RGS6: variants seen among roughly 807,000 people sequenced by gnomAD.
The protein encoded by RGS6 is regulator of G-protein signaling 6.
Under a neutral mutation model 78.5 loss-of-function variants are expected in RGS6, and 30 were observed. The ratio of observed to expected loss-of-function variants is 0.38; its 90% CI spans 0.29 to 0.52. RGS6 has a LOEUF of 0.52. RGS6 is among the 20% of genes least tolerant of loss of function. The pLI is 0.85. For synonymous variants in RGS6, 206 were observed against 206.0 expected (o/e 1.00, Z 0.00); for missense variants, 495 against 609.7 (o/e 0.81, Z 1.98).
chr14:72,345,225 G>A (rs554536373), intron 2 of RGS6, among the ~76,000 whole-genome samples: 10 of 152,266 alleles, frequency 6.6e-5, no homozygotes, highest in Admixed American at 2.6e-4. Flanking sequence ...CAACCACAAG[G>A]GAAAGACCAA....
intron 17 of RGS6, among the ~76,000 whole-genome samples, chr14:72,545,909 C>CTG (rs3831612): frequency 0.028 from 4,297 of 151,754 alleles, 211 homozygotes; most frequent in African/African-American, 0.095. Flanking sequence ...GGATGCCCAG[C>CTG]TGTGTGTGTG....
At chr14:72,313,820 G>A (rs2069296452) in intron 2 of RGS6, among the ~76,000 whole-genome samples, 1 of 152,176 alleles carries the variant, frequency 6.6e-6, no homozygotes, top group African/African-American at 2.4e-5. Context: ...GAAGGTATTA[G>A]AAGATAAAAG....
At chr14:72,091,119 G>A (rs796257713) in intron 2 of RGS6, among the ~76,000 whole-genome samples, 65 of 95,484 alleles carry the variant, frequency 6.8e-4, no homozygotes, top group African/African-American at 2.3e-3. Flanking sequence ...CTCCAGGGAG[G>A]GGACTTCACA....
intron 2 of RGS6, among the ~76,000 whole-genome samples, chr14:71,980,475 A>C (rs1036064172): frequency 7.3e-6 from 1 of 136,808 alleles, no homozygotes; most frequent in African/African-American, 2.7e-5. Flanking sequence ...AAAATCTCTC[A>C]GCATTTGCTT....
At chr14:72,002,532 G>A (rs933911596) in intron 2 of RGS6, among the ~76,000 whole-genome samples, 8 of 151,978 alleles carry the variant, frequency 5.3e-5, no homozygotes, top group African/African-American at 1.7e-4. Flanking sequence ...CTTATCTGAG[G>A]TTTGGCCTTT....
chr14:72,462,145 A>G (rs1222913111), intron 6 of RGS6, among the ~76,000 whole-genome samples: 1 of 152,104 alleles, frequency 6.6e-6, no homozygotes, highest in African/African-American at 2.4e-5. Flanking sequence ...ACTGGTCCCT[A>G]CTCTGTCAAA....
chr14:72,344,677 G>A (rs2077659934), intron 2 of RGS6, among the ~76,000 whole-genome samples: 1 of 152,196 alleles, frequency 6.6e-6, no homozygotes, highest in Non-Finnish European at 1.5e-5. Context: ...ATTCAGTGGT[G>A]AGCAAACCAC....
intron 2 of RGS6, among the ~76,000 whole-genome samples, chr14:72,110,288 C>T (rs1458852974): frequency 6.6e-6 from 1 of 152,120 alleles, no homozygotes; most frequent in African/African-American, 2.4e-5. Context: ...CCAAAATTAC[C>T]CTGCTAATAG....
intron 2 of RGS6, among the ~76,000 whole-genome samples, chr14:72,212,640 T>G (rs2044458880): frequency 6.6e-6 from 1 of 152,252 alleles, no homozygotes; most frequent in Non-Finnish European, 1.5e-5. Flanking sequence ...AATCAATGTT[T>G]GTTTCCCAGT....
intron 3 of RGS6, among the ~76,000 whole-genome samples, chr14:72,395,378 T>C (rs10144317): frequency 0.035 from 5,308 of 152,176 alleles, 325 homozygotes; most frequent in African/African-American, 0.12. Flanking sequence ...GCTGGCTAGA[T>C]AGACACACTA....
At chr14:72,238,830 T>G (rs1314777290) in intron 2 of RGS6, among the ~76,000 whole-genome samples, 1 of 152,106 alleles carries the variant, frequency 6.6e-6, no homozygotes, top group East Asian at 1.9e-4. Context: ...AACAAGGAGA[T>G]TCATATACCA....
At chr14:72,287,678 A>C (rs2062832992) in intron 2 of RGS6, among the ~76,000 whole-genome samples, 1 of 152,102 alleles carries the variant, frequency 6.6e-6, no homozygotes. Flanking sequence ...GGCTGGTCTC[A>C]AACTCCCGAC....
chr14:71,906,844 A>G, the RGS6 span, among the ~76,000 whole-genome samples: 16 of 151,770 alleles, frequency 1.1e-4, no homozygotes, highest in Admixed American at 2.0e-4. Flanking sequence ...AGGGAGATTC[A>G]GGGAAAAACT....
chr14:72,268,565 A>G (rs1178539973), intron 2 of RGS6, among the ~76,000 whole-genome samples: 1 of 152,200 alleles, frequency 6.6e-6, no homozygotes, highest in African/African-American at 2.4e-5. Flanking sequence ...GGTTAGCACC[A>G]TCTCTGCCGC....
At chr14:72,170,712 TCATC>T (rs1199388190) in intron 2 of RGS6, among the ~76,000 whole-genome samples, 6 of 152,258 alleles carry the variant, frequency 3.9e-5, no homozygotes, top group Non-Finnish European at 8.8e-5. Context: ...ATTTACCTAT[TCATC>T]CATTCATTCT....
chr14:72,613,088 T>C, the RGS6 span, among the ~76,000 whole-genome samples: 1 of 152,192 alleles, frequency 6.6e-6, no homozygotes, highest in Admixed American at 6.5e-5. Context: ...TCATCATCAA[T>C]ATTCATAACA....
At chr14:72,534,680 T>G (rs533543748) in intron 15 of RGS6, among the ~76,000 whole-genome samples, 7 of 152,332 alleles carry the variant, frequency 4.6e-5, no homozygotes, top group Admixed American at 2.6e-4. Context: ...GAGTGAGTCT[T>G]GGTGAATCCT....
At chr14:71,919,262 G>A in the RGS6 span, among the ~76,000 whole-genome samples, 2,122 of 152,242 alleles carry the variant, frequency 0.014, 51 homozygotes, top group African/African-American at 0.047. Flanking sequence ...TGCCCGTGGG[G>A]GTGAGGGCAG....
At chr14:72,163,105 G>A (rs1319656872) in intron 2 of RGS6, among the ~76,000 whole-genome samples, 1 of 152,118 alleles carries the variant, frequency 6.6e-6, no homozygotes, top group African/African-American at 2.4e-5. Flanking sequence ...AGTGTATACT[G>A]CTCAGGTGAT....
Sources: gnomAD v4.1 joint callset for allele counts (sites outside exome capture counted in the v4.1 genomes callset) on GRCh38, gnomAD v4.1.1 for gene constraint, MANE v1.5 for transcripts, NCBI Gene and HGNC (gene_info 2026-07-23, HGNC 2026-07-21) for gene names.